The following MIPEP variants were observed in gnomAD, a reference collection of about 807,000 sequenced individuals.
The protein encoded by MIPEP is mitochondrial intermediate peptidase.
A neutral mutation model predicts 90.3 loss-of-function variants in MIPEP; 79 were observed. The ratio of observed to expected loss-of-function variants is 0.87; its 90% CI spans 0.73 to 1.05. MIPEP has a LOEUF of 1.05. MIPEP is among the 50% of genes least tolerant of loss of function. MIPEP has a pLI of 0.00. For missense variants in MIPEP, 940 were observed against 905.6 expected, an observed-to-expected ratio of 1.04 and a Z score of -0.49; for synonymous variants, 334 against 315.8, an observed-to-expected ratio of 1.06 and a Z score of -0.61.
intron 16 of MIPEP, 76 bp from the exon 17 acceptor site, chr13:23,760,293 T>C: frequency 6.3e-7 from 1 of 1,593,496 alleles, no homozygotes; most frequent in Non-Finnish European, 8.6e-7. Context: ...GAGAACACAG[T>C]GGAGACACAG....
chr13:23,732,756 C>T (rs145174865), intron 18 of MIPEP, among the ~76,000 whole-genome samples: 32 of 152,196 alleles, frequency 2.1e-4, no homozygotes, highest in African/African-American at 5.8e-4. Context: ...TGGTTGCTTT[C>T]GGGAGTGGAT....
chr13:23,757,034 C>T (rs1672214413), intron 17 of MIPEP, among the ~76,000 whole-genome samples: 1 of 152,132 alleles, frequency 6.6e-6, no homozygotes, highest in Non-Finnish European at 1.5e-5. Context: ...ATTTACGGTG[C>T]ACTTTATTAT....
intron 18 of MIPEP, among the ~76,000 whole-genome samples, chr13:23,741,491 AT>A (rs1952328171): frequency 9.1e-6 from 1 of 110,056 alleles, no homozygotes; most frequent in African/African-American, 2.9e-5. Flanking sequence ...CTATGTAGCT[AT>A]AAAAAAATGA....
intron 16 of MIPEP, among the ~76,000 whole-genome samples, chr13:23,769,568 G>C (rs1327651134): frequency 6.6e-6 from 1 of 152,188 alleles, no homozygotes; most frequent in Non-Finnish European, 1.5e-5. Context: ...AAGGAAGCAG[G>C]TGTGTGGGGG....
At chr13:23,881,902 A>G in intron 2 of MIPEP, 115 bp from the exon 3 acceptor site, 1 of 729,764 alleles carries the variant, frequency 1.4e-6, no homozygotes, top group Non-Finnish European at 2.4e-6. Context: ...TGCCCTATGC[A>G]TTTCCATTAC....
intron 18 of MIPEP, among the ~76,000 whole-genome samples, chr13:23,748,051 T>C (rs1952402639): frequency 6.6e-6 from 1 of 152,116 alleles, no homozygotes; most frequent in Non-Finnish European, 1.5e-5. Context: ...TTTTGTTTTG[T>C]TTTGAGCTGG....
At chr13:23,880,361 C>T (rs958390275) in intron 3 of MIPEP, among the ~76,000 whole-genome samples, 2 of 152,200 alleles carry the variant, frequency 1.3e-5, no homozygotes, top group African/African-American at 4.8e-5. Flanking sequence ...CACGGAGCCA[C>T]TCCATGGCAA....
intron 5 of MIPEP, among the ~76,000 whole-genome samples, chr13:23,872,398 T>C (rs1411561422): frequency 6.6e-6 from 1 of 152,062 alleles, no homozygotes. Context: ...GAGGCGGAGG[T>C]TGCGGTGAGC....
chr13:23,857,381 A>G (rs1248934070), intron 10 of MIPEP, among the ~76,000 whole-genome samples: 1 of 152,188 alleles, frequency 6.6e-6, no homozygotes, highest in East Asian at 1.9e-4. Context: ...AACCTGGGCA[A>G]CACAGCAAGA....
In MIPEP at chr13:23,869,309, G is replaced by T. The variant is rs753942210; in HGVS notation, c.926C>A (p.Thr309Lys). 6.3e-7 allele frequency: 1 copy of T among 1,598,564 alleles called. No homozygotes were observed. The highest frequency in any genetic ancestry group is 1.8e-5 in the Admixed American group (1 of 55,780). Residue 309 changes from threonine (T) to lysine (K), a missense_variant, in exon 7 of 19, where the codon ACG (threonine) becomes AAG (lysine). Thr to Lys is a moderately conservative substitution (Grantham distance 78, BLOSUM62 -1). Transcript: ENST00000382172. ...AGGCTTACCTGGATTTTTAGCTATC[G>T]TTCCTTGGAGAGCCCTGTGAGAAAA... The part of the protein sequence containing the change: ...STFSHRALQG[T>K]IAKNPETVMQ...
chr13:23,747,599 C>G, intron 18 of MIPEP: 1 of 491,088 alleles, frequency 2.0e-6, no homozygotes, highest in East Asian at 5.8e-5. Context: ...AGCACAATGG[C>G]TATATATTTT....
At chr13:23,886,619 C>T (rs1871493611) in intron 1 of MIPEP, 113 bp from the exon 2 acceptor site, 8 of 751,344 alleles carry the variant, frequency 1.1e-5, no homozygotes, top group Non-Finnish European at 1.6e-5. Flanking sequence ...ATTGGTGTAT[C>T]ATGTTATACC....
Position 23,841,337 on chromosome 13 carries a change from G to C in MIPEP, c.1258C>G (p.Leu420Val). 2 of 1,609,420 alleles carry C rather than the reference G, an allele frequency of 1.2e-6. No homozygotes were observed. Among genetic ancestry groups the C allele is most frequent in the South Asian group, 2.2e-5 (2 of 89,752 alleles). ...CAGGCTGAGCAGGAGGAGCTCACCA[G>C]TTTTCGGACATCTTCGCTCCACACC... is the stretch of plus-strand genomic sequence containing the variant. Reference protein sequence around the residue: ...GEVWSEDVRKLAVVHESEGLL... With the variant: ...GEVWSEDVRKVAVVHESEGLL... Residue 420 changes from leucine to valine, a missense_variant and splice_region_variant, in exon 11 of 19, where the codon CTG becomes GTG. Leu to Val is a conservative substitution (Grantham distance 32). Transcript: ENST00000382172.
intron 16 of MIPEP, among the ~76,000 whole-genome samples, chr13:23,778,608 C>T (rs1952743015): frequency 6.6e-6 from 1 of 152,150 alleles, no homozygotes; most frequent in African/African-American, 2.4e-5. Context: ...TGCTTTGACA[C>T]ATCCTATGTG....
At chr13:23,769,876 T>G (rs1275080593) in intron 16 of MIPEP, among the ~76,000 whole-genome samples, 1 of 152,008 alleles carries the variant, frequency 6.6e-6, no homozygotes, top group Non-Finnish European at 1.5e-5. Context: ...CAGACTATCA[T>G]GGGAGTGGGA....
At chr13:23,878,281 G>C (rs1871148676) in intron 4 of MIPEP, among the ~76,000 whole-genome samples, 2 of 152,188 alleles carry the variant, frequency 1.3e-5, no homozygotes, top group Non-Finnish European at 1.5e-5. Context: ...CTAGTGTCCT[G>C]AGCATCAGGA....
At chr13:23,880,878 C>G (rs1871245514) in intron 3 of MIPEP, among the ~76,000 whole-genome samples, 2 of 152,202 alleles carry the variant, frequency 1.3e-5, no homozygotes, top group African/African-American at 4.8e-5. Context: ...CCAACAATTT[C>G]TGGCATATGA....
At chr13:23,753,458 G>A (rs550987041) in intron 18 of MIPEP, among the ~76,000 whole-genome samples, 1 of 152,220 alleles carries the variant, frequency 6.6e-6, no homozygotes, top group South Asian at 2.1e-4. Context: ...AATGGTATTT[G>A]GTGTGTTAGG....
In MIPEP at chr13:23,837,730, G is replaced by A. The variant is rs775714969; in HGVS notation, c.1365C>T (p.Gly455=). The change falls in exon 13 of 19, where the codon GGC becomes GGT. Residue 455 remains glycine, a synonymous_variant. Transcript: ENST00000382172. ...HQDCHFTIRG[G]RLKEDGDYQL... The stretch of plus-strand genomic sequence containing the variant: ...GATAGTCTCCATCTTCCTTTAGTCT[G>A]CCTCCACGGATAGTGAAATGGCAAT... The A allele has an allele frequency of 4.3e-6, 7 of 1,613,260 alleles. No individual in the cohort carries two copies. In the African/African-American group the frequency reaches 8.0e-5, roughly 18 times the overall value.
Sources: gnomAD v4.1 joint callset for allele counts (sites outside exome capture counted in the v4.1 genomes callset) on GRCh38, gnomAD v4.1.1 for gene constraint, MANE v1.5 for transcripts, NCBI Gene and HGNC (gene_info 2026-07-23, HGNC 2026-07-21) for gene names.